Variants in PSD3 observed in about 807,000 individuals in gnomAD.
PSD3 encodes the protein PH and SEC7 domain-containing protein 3.
In PSD3, 49 loss-of-function variants were observed where a neutral mutation model predicts 105.5. That is an observed-to-expected ratio of 0.46 (90% CI 0.37 to 0.59). The LOEUF (loss-of-function observed/expected upper bound fraction) is 0.59. PSD3 is among the 20% of genes least tolerant of loss of function. The pLI is 0.00. For missense variants in PSD3, 1,561 were observed against 1,263.8 expected (o/e 1.24, Z -3.57); for synonymous variants, 557 against 457.8 (o/e 1.22, Z -2.77).
chr8:19,029,814 A>T (rs191605379), intron 1 of PSD3, among the ~76,000 whole-genome samples: 56 of 152,230 alleles, frequency 3.7e-4, no homozygotes, highest in African/African-American at 1.3e-3. Flanking sequence ...ATTATTTCAA[A>T]ATTTTCACTA....
rs527474496 is a variant in PSD3, at chr8:18,751,237, C to T, written c.2172+14212G>A. ...AGAAATCGAGCACAGCGCTGGTGGG[C>T]CGGCACTGCTGGGGGACCCAGTACA... On this transcript the variant is annotated intron_variant, in intron 9 of 15. Coordinates refer to ENST00000327040, the MANE Select transcript of PSD3 (RefSeq NM_015310.4). 1.2e-3 allele frequency among the ~76,000 whole-genome samples: 190 copies of T among 152,310 alleles called. 1 individual carries two copies. Among genetic ancestry groups the T allele is most frequent in the Non-Finnish European group, 2.3e-3 (157 of 68,030 alleles).
intron 1 of PSD3, among the ~76,000 whole-genome samples, chr8:18,947,796 G>A (rs536968317): frequency 1.2e-4 from 19 of 152,092 alleles, no homozygotes; most frequent in Non-Finnish European, 2.4e-4. Flanking sequence ...AATACCCGAG[G>A]GCTTCTTACC....
intron 9 of PSD3, among the ~76,000 whole-genome samples, chr8:18,752,530 T>C (rs1341339393): frequency 2.3e-4 from 11 of 48,244 alleles, no homozygotes; most frequent in African/African-American, 1.5e-3. Flanking sequence ...ATATATATAA[T>C]TATATATTAT....
chr8:18,785,041 C>G (rs983702794), intron 8 of PSD3, among the ~76,000 whole-genome samples: 5 of 152,074 alleles, frequency 3.3e-5, no homozygotes, highest in African/African-American at 1.2e-4. Flanking sequence ...TAGGAGCTCA[C>G]CAAGGCTTGC....
chr8:18,562,553 C>T (rs1377454067), intron 14 of PSD3, among the ~76,000 whole-genome samples: 2 of 152,148 alleles, frequency 1.3e-5, no homozygotes, highest in South Asian at 2.1e-4. Context: ...AACGTGCAGG[C>T]TGGACTCAGG....
intron 4 of PSD3, among the ~76,000 whole-genome samples, chr8:18,837,109 C>A (rs1814178431): frequency 6.6e-6 from 1 of 152,128 alleles, no homozygotes. Context: ...TGGTCAGAAA[C>A]TAGAAACTGA....
intron 4 of PSD3, among the ~76,000 whole-genome samples, chr8:18,805,278 A>C (rs1285082862): frequency 6.6e-6 from 1 of 152,206 alleles, no homozygotes; most frequent in Admixed American, 6.5e-5. Context: ...TAAAGATACA[A>C]CTATTGTTTT....
At chr8:18,637,089 T>A (rs1807307218) in intron 10 of PSD3, among the ~76,000 whole-genome samples, 1 of 152,226 alleles carries the variant, frequency 6.6e-6, no homozygotes, top group African/African-American at 2.4e-5. Context: ...TATATTGATT[T>A]GTTCAATCTC....
In PSD3 at chr8:18,867,920, G is replaced by A. The variant is rs201772657; in HGVS notation, c.1388C>T (p.Thr463Ile). 4.5e-4 allele frequency: 721 copies of A among 1,614,166 alleles called. No homozygotes were observed. Among genetic ancestry groups the A allele is most frequent in the Non-Finnish European group, 5.6e-4 (663 of 1,180,022 alleles). Reference protein sequence around the residue: ...SLYYSAESLETLYSEPDSYFS... With the variant: ...SLYYSAESLEILYSEPDSYFS... Reference sequence around the variant, plus strand: ...ATAGCTATCAGGCTCTGAGTATAATGTCTCCAGGGACTCTGCACTGTAGTA... The same window carrying A: ...ATAGCTATCAGGCTCTGAGTATAATATCTCCAGGGACTCTGCACTGTAGTA... The change falls in exon 4 of 16, where the codon ACA becomes ATA. Residue 463 changes from threonine to isoleucine, a missense_variant. By Grantham distance (89) the Thr-to-Ile change is moderately conservative. Coordinates refer to ENST00000327040, the MANE Select transcript of PSD3 (RefSeq NM_015310.4).
chr8:18,712,463 A>C (rs148138066), intron 9 of PSD3, among the ~76,000 whole-genome samples: 294 of 152,336 alleles, frequency 1.9e-3, no homozygotes, highest in African/African-American at 6.9e-3. Context: ...ACAGAAATAT[A>C]AACAACCATC....
chr8:18,732,817 CTTTT>C (rs1301230764), intron 9 of PSD3: 1 of 149,406 alleles, frequency 6.7e-6, no homozygotes, highest in Non-Finnish European at 1.5e-5. Flanking sequence ...TCATTTCTTC[CTTTT>C]TTTTTTATTT....
At chr8:18,614,888 A>G (rs781044126) in intron 11 of PSD3, among the ~76,000 whole-genome samples, 5 of 151,628 alleles carry the variant, frequency 3.3e-5, no homozygotes, top group Non-Finnish European at 7.4e-5. Context: ...CTCCTGCCTC[A>G]GCCTCCCTAA....
rs762508199 is a variant in PSD3 at position 18,804,539 on chromosome 8, C to T, written c.1893G>A (p.Thr631=). 6.8e-5 allele frequency: 110 copies of T among 1,611,902 alleles called. 2 individuals carry two copies. The South Asian group carries it at 7.7e-4, about 11-fold the overall frequency. The stretch of plus-strand genomic sequence containing the variant: ...AGTCATACCTGAGTGACTGATCCAG[C>T]GTCATTCCTGTAAAATCAAAAAACT... ...YLKFFDFTGM[T]LDQSLRYFFK... is the part of the protein sequence containing the mutation. The change falls in exon 6 of 16, where the codon ACG becomes ACA. Residue 631 remains threonine (T), a synonymous_variant. Coordinates refer to ENST00000327040, the MANE Select transcript of PSD3 (RefSeq NM_015310.4).
At chr8:18,927,737 T>C (rs1052234001) in intron 2 of PSD3, among the ~76,000 whole-genome samples, 5 of 152,098 alleles carry the variant, frequency 3.3e-5, no homozygotes, top group Admixed American at 2.0e-4. Flanking sequence ...CCCAGCCCCG[T>C]CCTGAAGCTA....
chr8:18,616,425 G>A (rs1330819010), intron 11 of PSD3, among the ~76,000 whole-genome samples: 1 of 152,058 alleles, frequency 6.6e-6, no homozygotes, highest in Non-Finnish European at 1.5e-5. Context: ...TATTGATGGT[G>A]GCCAGGCATT....
Position 18,716,623 on chromosome 8 carries a change from G to A in PSD3, c.2172+48826C>T, listed in dbSNP as rs563147906. ...TAAGTCTTGCAAGCTTTGATAAGGA[G>A]TCTAAATGTATTTTCCTAAGTGTAG... On this transcript the variant is annotated intron_variant, in intron 9 of 15. Coordinates refer to ENST00000327040, the MANE Select transcript of PSD3 (RefSeq NM_015310.4). 9.2e-5 allele frequency among the ~76,000 whole-genome samples: 14 copies of A among 152,260 alleles called. No individual in the cohort carries two copies. In the South Asian group the frequency reaches 2.7e-3, roughly 29 times the overall value.
intron 8 of PSD3, among the ~76,000 whole-genome samples, chr8:18,777,800 AC>A (rs1237515389): frequency 6.6e-6 from 1 of 151,978 alleles, no homozygotes; most frequent in Non-Finnish European, 1.5e-5. Flanking sequence ...CTTTAATCCC[AC>A]CACCACCACT....
chr8:18,677,814 T>TC (rs1800146866), intron 9 of PSD3, among the ~76,000 whole-genome samples: 1 of 151,960 alleles, frequency 6.6e-6, no homozygotes, highest in East Asian at 1.9e-4. Context: ...ATCAAAACCA[T>TC]CCTGGCTAAC....
Position 18,872,405 on chromosome 8 carries a change from T to C in PSD3, c.459A>G (p.Thr153=). ...AAACAGCATCTTGGTCCAGTACCTT[T>C]GTAGCCTGTAATGTTCCGGAAATGA... ...ARIISGTLQA[T]KVLDQDAVSS... is the part of the protein sequence containing the mutation. The change falls in exon 3 of 16, where the codon ACA becomes ACG. Residue 153 remains threonine, a synonymous_variant. Transcript: ENST00000327040. 2 of 1,614,230 alleles carry C rather than the reference T, an allele frequency of 1.2e-6. No individual in the cohort carries two copies. The highest frequency in any genetic ancestry group is 1.7e-6 in the Non-Finnish European group (2 of 1,180,038).
Sources: gnomAD v4.1 joint callset for allele counts (sites outside exome capture counted in the v4.1 genomes callset) on GRCh38, gnomAD v4.1.1 for gene constraint, MANE v1.5 for transcripts, NCBI Gene and HGNC (gene_info 2026-07-23, HGNC 2026-07-21) for gene names.